STUM: variants seen among roughly 807,000 people sequenced by gnomAD.
The protein encoded by STUM is protein stum homolog.
A neutral mutation model predicts 15.3 loss-of-function variants in STUM; 8 were observed. That is an observed-to-expected ratio of 0.52 (90% CI 0.31 to 0.94). The LOEUF is 0.94. Among genes scored for constraint, STUM ranks in the 40% least tolerant of loss-of-function variants. The pLI, the probability that STUM is intolerant of heterozygous loss-of-function variation, is 0.05. For missense variants in STUM, 142 were observed against 204.9 expected (o/e 0.69, Z 1.87); for synonymous variants, 78 against 88.7 (o/e 0.88, Z 0.68).
chr1:226,584,528 G>A (rs1667969868), intron 1 of STUM, among the ~76,000 whole-genome samples: 1 of 152,242 alleles, frequency 6.6e-6, no homozygotes, highest in Non-Finnish European at 1.5e-5. Flanking sequence ...TGGGACTGGA[G>A]TCCTTTCCTG....
chr1:226,575,242 G>A (rs1290973022), intron 1 of STUM, among the ~76,000 whole-genome samples: 1 of 152,248 alleles, frequency 6.6e-6, no homozygotes, highest in Non-Finnish European at 1.5e-5. Context: ...TATACAGAAT[G>A]GGCCAGGACA....
intron 1 of STUM, among the ~76,000 whole-genome samples, chr1:226,574,921 TGGGGAACAA>T (rs1336108836): frequency 6.6e-6 from 1 of 152,126 alleles, no homozygotes; most frequent in Non-Finnish European, 1.5e-5. Context: ...CCCCAACTCA[TGGGGAACAA>T]GCAAACCGCA....
At position 226,548,817 on chromosome 1, in the gene STUM, C is replaced by A. The variant is rs1347184106; in HGVS notation, c.-88C>A. 81 of 1,113,340 alleles carry A rather than the reference C, an allele frequency of 7.3e-5. No homozygotes were observed. Among genetic ancestry groups the A allele is most frequent in the Non-Finnish European group, 8.2e-5 (72 of 882,016 alleles). 69.0% of individuals were successfully genotyped at this position (1,113,340 alleles called of 1,614,324 possible). A position where few individuals can be genotyped will look rare whatever the true frequency, so the allele number is the denominator to read the frequency against. ...GGCCGCCTGAGCTCGGCGCGGAGCC[C>A]GGAGCCCGCAGCCGACAGTCTCCTG... On this transcript the variant is annotated 5_prime_UTR_variant, in exon 1 of 4. Coordinates refer to ENST00000366788, the MANE Select transcript of STUM (RefSeq NM_001003665.4).
In STUM at chr1:226,602,041, G is replaced by C; in HGVS notation, c.*1G>C. 1 of 1,606,288 alleles carries C rather than the reference G, an allele frequency of 6.2e-7. No individual in the cohort carries two copies. The highest frequency in any genetic ancestry group is 8.5e-7 in the Non-Finnish European group (1 of 1,179,644). On this transcript the variant is annotated 3_prime_UTR_variant, in exon 4 of 4. Coordinates refer to ENST00000366788, the MANE Select transcript of STUM (RefSeq NM_001003665.4). ...GCAGGGCATCCCACAGCAGCTGTGA[G>C]CCCACGGGAGCCGCTGGGGAGATCC...
intron 1 of STUM, among the ~76,000 whole-genome samples, chr1:226,557,918 T>G (rs1416041503): frequency 6.6e-6 from 1 of 152,208 alleles, no homozygotes; most frequent in Non-Finnish European, 1.5e-5. Flanking sequence ...TGAAAAAGCA[T>G]TTGACAAAAT....
intron 1 of STUM, among the ~76,000 whole-genome samples, chr1:226,551,266 T>C (rs551923285): frequency 2.8e-4 from 42 of 152,210 alleles, no homozygotes; most frequent in African/African-American, 9.9e-4. Flanking sequence ...GTCTGGTGCA[T>C]AGGAAGCTCT....
At position 226,549,714 on chromosome 1, in the gene STUM, A is replaced by AGGGGGAT. The variant is rs1667339113; in HGVS notation, c.202+617_202+623dup. ...TTCCGCCAGCACCCCGCAGGGCGCC[A>AGGGGGAT]GGGGGATGGGGGATGATTTTATTAG... On this transcript the variant is annotated intron_variant, in intron 1 of 3. Coordinates refer to ENST00000366788, the MANE Select transcript of STUM (RefSeq NM_001003665.4). The surrounding 1 kb of genome is among the most constrained non-coding windows in gnomAD (Gnocchi z 6.8). Among the ~76,000 whole-genome samples the AGGGGGAT allele has an allele frequency of 6.6e-6, 1 of 152,152 alleles. No homozygotes were observed. The highest frequency in any genetic ancestry group is 2.4e-5 in the African/African-American group (1 of 41,442).
rs751500101 is a variant in STUM at position 226,549,126 on chromosome 1, A to G, written c.202+20A>G. 9 of 1,559,864 alleles carry G rather than the reference A, an allele frequency of 5.8e-6. No individual in the cohort carries two copies. In the South Asian group the frequency reaches 1.0e-4, roughly 18 times the overall value. The stretch of plus-strand genomic sequence containing the variant: ...GACTGGGTAAGACACGGCTGCCGCG[A>G]CCCTTGCGACCCCCACCCCGCCGCG... On this transcript the variant is annotated intron_variant, in intron 1 of 3. Coordinates refer to ENST00000366788, the MANE Select transcript of STUM (RefSeq NM_001003665.4). This position sits in a 1 kb window ranked among gnomAD's most constrained non-coding sequence, Gnocchi z 6.8.
chr1:226,554,561 T>C (rs1306302805), intron 1 of STUM, among the ~76,000 whole-genome samples: 3 of 152,146 alleles, frequency 2.0e-5, no homozygotes, highest in Non-Finnish European at 2.9e-5. Context: ...AGGGGTGATA[T>C]AAGCAAGCTG....
In STUM at chr1:226,578,224, C is replaced by A. The variant is rs567358603; in HGVS notation, c.203-18578C>A. Among the ~76,000 whole-genome samples, 5 of 152,010 alleles carry A rather than the reference C, an allele frequency of 3.3e-5. No individual in the cohort carries two copies. The South Asian group carries it at 1.0e-3, about 32-fold the overall frequency. ...TCATGTAGTCTCTTTTCAATTTTTT[C>A]TTTATTTTTAATTTTAAAAATGTTT... On this transcript the variant is annotated intron_variant, in intron 1 of 3. Coordinates refer to ENST00000366788, the MANE Select transcript of STUM (RefSeq NM_001003665.4).
rs1668252422 is a variant in STUM, at chr1:226,600,888, C to T, written c.391+214C>T. Among the ~76,000 whole-genome samples, 1 of 152,210 alleles carries T rather than the reference C, an allele frequency of 6.6e-6. No homozygotes were observed. Among genetic ancestry groups the T allele is most frequent in the Non-Finnish European group, 1.5e-5 (1 of 68,048 alleles). On this transcript the variant is annotated intron_variant, in intron 3 of 3. Coordinates refer to ENST00000366788, the MANE Select transcript of STUM (RefSeq NM_001003665.4). The surrounding 1 kb of genome is among the most constrained non-coding windows in gnomAD (Gnocchi z 5.2). The stretch of plus-strand genomic sequence containing the variant: ...GAGGCCCTAATGCCCACACCAGCCT[C>T]AACTGCTATCAATTCATGGCCAGCC...
At chr1:226,575,693 ATAAC>A (rs1320988131) in intron 1 of STUM, among the ~76,000 whole-genome samples, 1 of 152,276 alleles carries the variant, frequency 6.6e-6, no homozygotes, top group East Asian at 1.9e-4. Flanking sequence ...GAGGACAAAA[ATAAC>A]TAACACCATG....
rs369916395 is a variant in STUM, at chr1:226,601,213, G to A, written c.391+539G>A. On this transcript the variant is annotated intron_variant, in intron 3 of 3. Coordinates refer to ENST00000366788, the MANE Select transcript of STUM (RefSeq NM_001003665.4). ...GCAATCTCGGCTCACTGCAACCTCC[G>A]CCTCCTGGGTTCAAGCGATTCTCCT... Among the ~76,000 whole-genome samples the A allele has an allele frequency of 2.3e-3, 345 of 151,928 alleles. 4 individuals are homozygous for A. The highest frequency in any genetic ancestry group is 7.9e-3 in the African/African-American group (328 of 41,412).
chr1:226,557,918 T>C (rs1416041503), intron 1 of STUM, among the ~76,000 whole-genome samples: 10 of 152,206 alleles, frequency 6.6e-5, no homozygotes, highest in Admixed American at 5.2e-4. Flanking sequence ...TGAAAAAGCA[T>C]TTGACAAAAT....
At chr1:226,554,956 GT>G (rs1667423214) in intron 1 of STUM, among the ~76,000 whole-genome samples, 1 of 152,152 alleles carries the variant, frequency 6.6e-6, no homozygotes, top group South Asian at 2.1e-4. Context: ...AGGGTCGCCA[GT>G]CTCCTCCAGG....
intron 1 of STUM, among the ~76,000 whole-genome samples, 184 bp from the exon 2 acceptor site, chr1:226,596,618 A>G (rs1457232368): frequency 2.0e-5 from 3 of 152,180 alleles, no homozygotes; most frequent in Non-Finnish European, 4.4e-5. Context: ...ACTCTGCAGT[A>G]TGGAGATGAG....
At position 226,604,567 on chromosome 1, in the gene STUM, T is replaced by C. The variant is rs1273681618; in HGVS notation, c.*2527T>C. 6.6e-6 allele frequency: 1 copy of C among 152,206 alleles called. No individual in the cohort carries two copies. Among genetic ancestry groups the C allele is most frequent in the African/African-American group, 2.4e-5 (1 of 41,444 alleles). 9.4% of individuals were successfully genotyped at this position (152,206 alleles called of 1,614,324 possible). The stretch of plus-strand genomic sequence containing the variant: ...TCTAAATTAGACCGTGGTCTCAGCA[T>C]GATCATCTTCAGTAGATAAGGGACA... On this transcript the variant is annotated 3_prime_UTR_variant, in exon 4 of 4. Transcript: ENST00000366788. The surrounding 1 kb of genome is among the most constrained non-coding windows in gnomAD (Gnocchi z 4.7).
At chr1:226,561,998 G>A (rs1198248257) in intron 1 of STUM, among the ~76,000 whole-genome samples, 2 of 151,382 alleles carry the variant, frequency 1.3e-5, no homozygotes, top group Non-Finnish European at 2.9e-5. Flanking sequence ...ACAGTATGTC[G>A]GGTGGGGGGT....
At chr1:226,583,902 C>G (rs1333489221) in intron 1 of STUM, among the ~76,000 whole-genome samples, 1 of 152,290 alleles carries the variant, frequency 6.6e-6, no homozygotes, top group South Asian at 2.1e-4. Context: ...ACATCCTCGC[C>G]CACTTCTTCT....
Sources: allele counts gnomAD v4.1 joint callset (sites outside exome capture counted in the v4.1 genomes callset), GRCh38; gene constraint gnomAD v4.1.1; non-coding constraint Gnocchi (gnomAD v3.1); transcripts MANE v1.5; gene names NCBI Gene and HGNC (gene_info 2026-07-23, HGNC 2026-07-21).